Variants in CDHR3 observed in about 807,000 individuals in gnomAD.
The protein encoded by CDHR3 is cadherin-related family member 3.
In CDHR3, 79 loss-of-function variants were observed where a neutral mutation model predicts 86.6. The ratio of observed to expected loss-of-function variants is 0.91; its 90% CI spans 0.76 to 1.10. The LOEUF is 1.10. Among genes scored for constraint, CDHR3 ranks in the 50% least tolerant of loss-of-function variants. The pLI, the probability that CDHR3 is intolerant of heterozygous loss-of-function variation, is 0.00. For synonymous variants in CDHR3, 421 were observed against 402.4 expected, an observed-to-expected ratio of 1.05 and a Z score of -0.55; for missense variants, 1,081 against 1,077.6, an observed-to-expected ratio of 1.00 and a Z score of -0.04.
rs1838827876 is a variant in CDHR3 at position 106,035,328 on chromosome 7, G to A, written c.*2631G>A. On this transcript the variant is annotated 3_prime_UTR_variant, in exon 19 of 19. Transcript: ENST00000317716. ...CAAGCCTCGAGAAACTCAAGAAATA[G>A]GGGCAAGAGTGCGCCAGGAGGAGAG... 6.6e-6 allele frequency among the ~76,000 whole-genome samples: 1 copy of A among 152,164 alleles called. No homozygotes were observed. The highest frequency in any genetic ancestry group is 6.5e-5 in the Admixed American group (1 of 15,284).
chr7:106,033,179 A>C lies in CDHR3; in HGVS notation c.*482A>C, dbSNP rs1267344750. The C allele has an allele frequency of 6.5e-6, 1 of 154,710 alleles. No homozygotes were observed. Among genetic ancestry groups the C allele is most frequent in the African/African-American group, 2.4e-5 (1 of 41,460 alleles). The allele number at this position is 154,710 out of a possible 1,614,324, so 9.6% of individuals were successfully genotyped here. On this transcript the variant is annotated 3_prime_UTR_variant, in exon 19 of 19. Coordinates refer to ENST00000317716, the MANE Select transcript of CDHR3 (RefSeq NM_152750.5). ...GTAAGTCACCTCAAATCTTCTTCAAAAGAAGCAGAACAGTGAAAAAAACAG... is the reference window on the plus strand; with the variant it reads ...GTAAGTCACCTCAAATCTTCTTCAACAGAAGCAGAACAGTGAAAAAAACAG...
chr7:106,021,008 G>C (rs1020743730), intron 13 of CDHR3, among the ~76,000 whole-genome samples: 2 of 152,046 alleles, frequency 1.3e-5, no homozygotes, highest in Non-Finnish European at 2.9e-5. Flanking sequence ...CCAACTTTTC[G>C]ACCACCTCTT....
chr7:106,028,666 C>A, intron 17 of CDHR3, 84 bp downstream of exon 17: 1 of 1,443,258 alleles, frequency 6.9e-7, no homozygotes, highest in Non-Finnish European at 9.6e-7. Flanking sequence ...CCTGCCACAG[C>A]CTTGTGGGCA....
At chr7:106,009,953 GGCA>G (rs1284353544) in intron 8 of CDHR3, among the ~76,000 whole-genome samples, 1 of 152,186 alleles carries the variant, frequency 6.6e-6, no homozygotes, top group Non-Finnish European at 1.5e-5. Context: ...TCGCTTTTGA[GGCA>G]GGGATTGCTG....
intron 17 of CDHR3, among the ~76,000 whole-genome samples, chr7:106,028,948 CTTT>C (rs1837869823): frequency 6.9e-6 from 1 of 144,688 alleles, no homozygotes; most frequent in Non-Finnish European, 1.5e-5. Context: ...TTCTTTCTTT[CTTT>C]CTTTCTTTCT....
At chr7:106,017,513 C>T (rs772131086) in intron 11 of CDHR3, among the ~76,000 whole-genome samples, 29 of 151,234 alleles carry the variant, frequency 1.9e-4, no homozygotes, top group Non-Finnish European at 3.4e-4. Flanking sequence ...GAGCCGAGAT[C>T]GCACCACTGC....
chr7:106,029,911 A>G (rs1489754020), intron 17 of CDHR3, among the ~76,000 whole-genome samples: 1 of 152,196 alleles, frequency 6.6e-6, no homozygotes, highest in African/African-American at 2.4e-5. Flanking sequence ...ATATTAAATT[A>G]GTCTATTAAA....
chr7:106,012,695 G>T (rs932830505), intron 8 of CDHR3, among the ~76,000 whole-genome samples, 165 bp from the exon 9 acceptor site: 2 of 152,292 alleles, frequency 1.3e-5, no homozygotes, highest in Admixed American at 6.5e-5. Flanking sequence ...AGCCCAAAAG[G>T]TAGCAAGGGC....
intron 16 of CDHR3, chr7:106,027,769 A>G: frequency 2.7e-6 from 1 of 372,750 alleles, no homozygotes; most frequent in Non-Finnish European, 5.4e-6. Context: ...TATTGATCAT[A>G]TTGACAGAGA....
chr7:106,004,475 C>T (rs781520877), intron 7 of CDHR3, 23 bp from the exon 8 acceptor site: 12 of 1,599,430 alleles, frequency 7.5e-6, no homozygotes, highest in East Asian at 2.2e-5. Flanking sequence ...CAAAGGGTCA[C>T]GTTCTAACCT....
chr7:106,000,168 G>A (rs1305073899), intron 6 of CDHR3, among the ~76,000 whole-genome samples: 1 of 152,228 alleles, frequency 6.6e-6, no homozygotes, highest in African/African-American at 2.4e-5. Context: ...GTCAAGTAAG[G>A]GAAAGGATGA....
intron 17 of CDHR3, among the ~76,000 whole-genome samples, chr7:106,028,944 C>CTT (rs1490979759): frequency 1.4e-5 from 2 of 140,852 alleles, no homozygotes; most frequent in African/African-American, 2.7e-5. Context: ...TTCTTTCTTT[C>CTT]TTTCTTTCTT....
rs183986707 is a variant in CDHR3 at position 105,999,637 on chromosome 7, G to A, written c.714-1825G>A. ...AAGGAAGGAGGGATGATGGGAAGAA[G>A]GGGCTTTTCCTCCCCAGGTGTCCTC... On this transcript the variant is annotated intron_variant, in intron 6 of 18. Transcript: ENST00000317716. Among the ~76,000 whole-genome samples the A allele has an allele frequency of 1.1e-4, 17 of 152,356 alleles. No homozygotes were observed. The East Asian group carries it at 3.1e-3, about 28-fold the overall frequency.
intron 8 of CDHR3, among the ~76,000 whole-genome samples, 189 bp from the exon 9 acceptor site, chr7:106,012,671 G>A (rs1186820259): frequency 1.3e-5 from 2 of 152,170 alleles, no homozygotes; most frequent in Non-Finnish European, 1.5e-5. Context: ...CCCTCTGGCC[G>A]CTGTGTTTAA....
Position 106,035,095 on chromosome 7 carries a change from A to G in CDHR3, c.*2398A>G, listed in dbSNP as rs887508664. On this transcript the variant is annotated 3_prime_UTR_variant, in exon 19 of 19. Coordinates refer to ENST00000317716, the MANE Select transcript of CDHR3 (RefSeq NM_152750.5). ...ACTCTGTGTCAAGAAAAAAAAAAAA[A>G]AAAGAATAATTAAAAGGAGAGAGTG... Among the ~76,000 whole-genome samples the G allele has an allele frequency of 6.6e-6, 1 of 152,048 alleles. No individual in the cohort carries two copies. The highest frequency in any genetic ancestry group is 2.4e-5 in the African/African-American group (1 of 41,416).
chr7:105,988,918 T>C (rs1327263248), intron 4 of CDHR3, among the ~76,000 whole-genome samples: 4 of 152,252 alleles, frequency 2.6e-5, no homozygotes, highest in Non-Finnish European at 2.9e-5. Flanking sequence ...TCTTTTTCCA[T>C]ACTCGGTGTC....
At position 105,996,335 on chromosome 7, in the gene CDHR3, G is replaced by T. The variant is rs371586125; in HGVS notation, c.694G>T (p.Glu232Ter). The T allele has an allele frequency of 6.3e-7, 1 of 1,593,356 alleles. No homozygotes were observed. The highest frequency in any genetic ancestry group is 2.3e-5 in the East Asian group (1 of 44,210). The change falls in exon 6 of 19, where the codon GAA becomes TAA. Residue 232 changes from glutamate to a stop codon, truncating the protein, a stop_gained. Transcript: ENST00000317716. LOFTEE classifies it high-confidence loss of function. Reference protein sequence around the residue: ...LQVNIVNLNDEVPRFTSPTRV... With the variant: ...LQVNIVNLND Reference sequence around the variant, plus strand: ...GGTGAACATCGTGAACCTCAACGACGAAGTCCCTCGCTTTACCAGGTAGGC... The same window carrying T: ...GGTGAACATCGTGAACCTCAACGACTAAGTCCCTCGCTTTACCAGGTAGGC...
chr7:106,024,007 A>T, intron 14 of CDHR3, among the ~76,000 whole-genome samples: 1 of 152,186 alleles, frequency 6.6e-6, no homozygotes. Flanking sequence ...GCATTTAAAA[A>T]AACAACTTTC....
In CDHR3 at chr7:106,035,018, G is replaced by C. The variant is rs1563322556; in HGVS notation, c.*2321G>C. Among the ~76,000 whole-genome samples, 1 of 151,832 alleles carries C rather than the reference G, an allele frequency of 6.6e-6. No individual in the cohort carries two copies. Among genetic ancestry groups the C allele is most frequent in the Non-Finnish European group, 1.5e-5 (1 of 67,984 alleles). On this transcript the variant is annotated 3_prime_UTR_variant, in exon 19 of 19. Coordinates refer to ENST00000317716, the MANE Select transcript of CDHR3 (RefSeq NM_152750.5). Reference sequence around the variant, plus strand: ...CGCTTGAACCCAGGAGGCAGAAGTTGCAGTGGGCTGAGATTGCGCCACTGC... The same window carrying C: ...CGCTTGAACCCAGGAGGCAGAAGTTCCAGTGGGCTGAGATTGCGCCACTGC...
Sources: allele counts gnomAD v4.1 joint callset (sites outside exome capture counted in the v4.1 genomes callset), GRCh38; gene constraint gnomAD v4.1.1; transcripts MANE v1.5; gene names NCBI Gene and HGNC (gene_info 2026-07-23, HGNC 2026-07-21).